Variants in EYA1 observed in about 807,000 individuals in gnomAD.
EYA1 encodes the protein EYA transcriptional coactivator and phosphatase 1.
Under a neutral mutation model 82.0 loss-of-function variants are expected in EYA1, and 16 were observed. The ratio of observed to expected loss-of-function variants is 0.20; its 90% confidence interval spans 0.13 to 0.30. The LOEUF (loss-of-function observed/expected upper bound fraction) is 0.30. Ranked by LOEUF, EYA1 falls within the 10% of genes least tolerant of loss-of-function variation. EYA1 has a pLI of 1.00. For synonymous variants in EYA1, 261 were observed against 264.4 expected (o/e 0.99, Z 0.12); for missense variants, 633 against 730.7 (o/e 0.87, Z 1.54).
intron 9 of EYA1, among the ~76,000 whole-genome samples, chr8:71,295,637 C>T (rs766408861): frequency 6.6e-6 from 1 of 152,162 alleles, no homozygotes; most frequent in Non-Finnish European, 1.5e-5. Flanking sequence ...ATGGTATAGC[C>T]ACTTTGGAAG....
chr8:71,494,926 C>CA (rs1811302634), intron 2 of EYA1, among the ~76,000 whole-genome samples: 1 of 151,964 alleles, frequency 6.6e-6, no homozygotes, highest in Non-Finnish European at 1.5e-5. Flanking sequence ...TTCATGCCAT[C>CA]TCTTAAGGCC....
chr8:71,357,612 G>A (rs1038910400), intron 1 of EYA1, among the ~76,000 whole-genome samples: 1 of 152,146 alleles, frequency 6.6e-6, no homozygotes, highest in Non-Finnish European at 1.5e-5. Context: ...AAAGCATCTC[G>A]AATGGCATTA....
Position 71,275,252 on chromosome 8 carries a change from AG to A in EYA1, c.827-3356del, listed in dbSNP as rs201824459. ...GGTAAAATCAATAACTAAGTGGATA[AG>A]GAAGAAAGATGCAGTAAAAAATCAT... On this transcript the variant is annotated intron_variant, in intron 9 of 17. Coordinates refer to ENST00000340726, the MANE Select transcript of EYA1 (RefSeq NM_000503.6). Among the ~76,000 whole-genome samples, 187 of 152,346 alleles carry A rather than the reference AG, an allele frequency of 1.2e-3. 3 individuals are homozygous for A. The East Asian group carries it at 0.035, about 28-fold the overall frequency.
chr8:71,274,979 C>A (rs1816989028), intron 9 of EYA1, among the ~76,000 whole-genome samples: 1 of 148,780 alleles, frequency 6.7e-6, no homozygotes. Flanking sequence ...CGTGCGAGAG[C>A]GCATGTCACA....
rs148482811 is a variant in EYA1 at position 71,453,988 on chromosome 8, G to C, written c.33+81756C>G. Among the ~76,000 whole-genome samples the C allele has an allele frequency of 5.8e-3, 877 of 152,266 alleles. 9 individuals are homozygous for C. The highest frequency in any genetic ancestry group is 0.02 in the African/African-American group (834 of 41,544). On this transcript the variant is annotated intron_variant, in intron 2 of 18. Coordinates refer to the EYA1 transcript ENST00000643681. ...GACACAGACTGGCAAATTGGATAAAGAGTCGAGACCCATCAGTGTGCTGTA... is the reference window on the plus strand; with the variant it reads ...GACACAGACTGGCAAATTGGATAAACAGTCGAGACCCATCAGTGTGCTGTA...
rs575960442 is a variant in EYA1, at chr8:71,210,856, C to T, written c.1698+300G>A. 1.0e-3 allele frequency among the ~76,000 whole-genome samples: 155 copies of T among 152,358 alleles called. 1 individual carries two copies. The highest frequency in any genetic ancestry group is 6.4e-3 in the South Asian group (31 of 4,832). On this transcript the variant is annotated intron_variant, in intron 17 of 17. Coordinates refer to ENST00000340726, the MANE Select transcript of EYA1 (RefSeq NM_000503.6). ...GTCTGCCATGGGTACAGAAAAGGTC[C>T]TGCTGGCACATGTGTTATCTCTGCT...
At chr8:71,310,314 T>C (rs1184934956) in intron 7 of EYA1, among the ~76,000 whole-genome samples, 1 of 152,218 alleles carries the variant, frequency 6.6e-6, no homozygotes, top group East Asian at 1.9e-4. Context: ...GTTTGTTATG[T>C]AAACTTGTGT....
chr8:71,484,784 C>A (rs146188001), intron 2 of EYA1, among the ~76,000 whole-genome samples: 1 of 152,350 alleles, frequency 6.6e-6, no homozygotes, highest in East Asian at 1.9e-4. Context: ...CTACCTGTGA[C>A]CATGCTGCCG....
chr8:71,260,742 A>G (rs1195352127), intron 11 of EYA1, among the ~76,000 whole-genome samples: 1 of 152,184 alleles, frequency 6.6e-6, no homozygotes. Context: ...CTGGCAAGCA[A>G]TTACTGGGAG....
At chr8:71,362,127 A>G (rs1827448924), upstream of EYA1, 1 of 611,768 alleles carries the variant, frequency 1.6e-6, no homozygotes, top group East Asian at 1.7e-4. Context: ...GCAGCCTTGT[A>G]GGTCTGCCCA....
At chr8:71,507,372 T>C (rs1035625988) in intron 2 of EYA1, among the ~76,000 whole-genome samples, 1 of 152,180 alleles carries the variant, frequency 6.6e-6, no homozygotes, top group Non-Finnish European at 1.5e-5. Context: ...CATTGAGATA[T>C]AATTTTTTAC....
chr8:71,416,999 C>T (rs1830888992), intron 2 of EYA1, among the ~76,000 whole-genome samples: 1 of 152,078 alleles, frequency 6.6e-6, no homozygotes, highest in Admixed American at 6.5e-5. Context: ...TCAGCTGCCA[C>T]CACTTCCAGA....
intron 2 of EYA1, among the ~76,000 whole-genome samples, chr8:71,510,502 T>TA: frequency 6.6e-6 from 1 of 152,140 alleles, no homozygotes; most frequent in Non-Finnish European, 1.5e-5. Context: ...TCAGGAAACT[T>TA]ACAATCATGG....
chr8:71,455,635 T>A (rs1807829127), intron 2 of EYA1, among the ~76,000 whole-genome samples: 1 of 152,140 alleles, frequency 6.6e-6, no homozygotes, highest in Non-Finnish European at 1.5e-5. Context: ...ATCCAGCATA[T>A]AAACAGAATC....
At chr8:71,320,010 C>T (rs920630007) in intron 6 of EYA1, among the ~76,000 whole-genome samples, 1 of 152,190 alleles carries the variant, frequency 6.6e-6, no homozygotes, top group Non-Finnish European at 1.5e-5. Context: ...CTGAGCCTCG[C>T]TCTCTCCCCC....
rs571743157 is a variant in EYA1, at chr8:71,298,937, C to A, written c.826+110G>T. 11 of 1,026,638 alleles carry A rather than the reference C, an allele frequency of 1.1e-5. No individual in the cohort carries two copies. The African/African-American group carries it at 1.1e-4, about 10-fold the overall frequency. The allele number at this position is 1,026,638 out of a possible 1,614,324, so 63.6% of individuals were successfully genotyped here. On this transcript the variant is annotated intron_variant, in intron 9 of 17. Transcript: ENST00000340726. ...CTGCTTGACTTATATTTAGTCCTTG[C>A]CAAAAGCTGCCAAAATTGTGCAACC...
chr8:71,465,621 C>CA (rs1202216074), intron 2 of EYA1, among the ~76,000 whole-genome samples: 4 of 151,728 alleles, frequency 2.6e-5, no homozygotes, highest in African/African-American at 9.7e-5. Context: ...GACTCCATTT[C>CA]AAAAAAATAA....
At chr8:71,269,632 T>C (rs1586099915) in intron 11 of EYA1, 108 bp downstream of exon 11, 1 of 755,366 alleles carries the variant, frequency 1.3e-6, no homozygotes, top group East Asian at 2.8e-5. Flanking sequence ...TTCTTCTCCA[T>C]TTATATTTTA....
At chr8:71,470,869 G>A (rs979790938) in intron 2 of EYA1, 1 of 455,402 alleles carries the variant, frequency 2.2e-6, no homozygotes, top group Non-Finnish European at 4.4e-6. Context: ...TTTAATTTCT[G>A]GTGAGAGCTG....
Sources: gnomAD v4.1 joint callset for allele counts (sites outside exome capture counted in the v4.1 genomes callset) on GRCh38, gnomAD v4.1.1 for gene constraint, MANE v1.5 for transcripts, NCBI Gene and HGNC (gene_info 2026-07-23, HGNC 2026-07-21) for gene names.